Variants in MCM9 observed in about 807,000 individuals in gnomAD.
MCM9 encodes the protein DNA helicase MCM9.
In MCM9, 55 loss-of-function variants were observed where a neutral mutation model predicts 72.8. The ratio of observed to expected loss-of-function variants is 0.76; its 90% CI spans 0.61 to 0.95. The LOEUF (loss-of-function observed/expected upper bound fraction) is 0.95. MCM9 is among the 40% of genes least tolerant of loss of function. The probability of loss-of-function intolerance (pLI) is 0.00; values close to 1 mark genes in which losing one functional copy is unlikely to be tolerated. For synonymous variants in MCM9, 480 were observed against 503.4 expected, an observed-to-expected ratio of 0.95 and a Z score of 0.62; for missense variants, 1,279 against 1,377.0, an observed-to-expected ratio of 0.93 and a Z score of 1.13.
At chr6:118,840,169 A>AT (rs36155062) in intron 9 of MCM9, among the ~76,000 whole-genome samples, 113,103 of 145,686 alleles carry the variant, frequency 0.78, 44,185 homozygotes, top group South Asian at 0.9. Flanking sequence ...TTTTTATGTT[A>AT]TTTTTTTTTT....
intron 6 of MCM9, 145 bp downstream of exon 6, chr6:118,917,416 A>G: frequency 1.4e-6 from 1 of 735,718 alleles, no homozygotes; most frequent in Non-Finnish European, 2.2e-6. Context: ...AAGGGAGACT[A>G]TAGCTAGAGG....
chr6:118,883,072 A>C (rs1209991930), intron 8 of MCM9, among the ~76,000 whole-genome samples: 1 of 148,948 alleles, frequency 6.7e-6, no homozygotes, highest in Non-Finnish European at 1.5e-5. Flanking sequence ...AAAGATGCAA[A>C]AAAAAAAAAA....
chr6:118,900,768 T>C (rs1165206085), intron 8 of MCM9: 1 of 1,608,470 alleles, frequency 6.2e-7, no homozygotes, highest in Admixed American at 1.7e-5. Context: ...AACCCTAGAC[T>C]TGGAATGGAA....
intron 9 of MCM9, among the ~76,000 whole-genome samples, chr6:118,838,368 C>T (rs999139921): frequency 6.6e-6 from 1 of 151,030 alleles, no homozygotes; most frequent in African/African-American, 2.4e-5. Flanking sequence ...ACCATGTTAG[C>T]CAGGATGGTC....
intron 9 of MCM9, among the ~76,000 whole-genome samples, chr6:118,832,190 A>AG (rs1416067133): frequency 6.6e-6 from 1 of 152,182 alleles, no homozygotes; most frequent in Non-Finnish European, 1.5e-5. Flanking sequence ...CCTATCAAGT[A>AG]GCTAGCATTA....
chr6:118,827,099 G>C (rs2114545861), intron 11 of MCM9, among the ~76,000 whole-genome samples: 1 of 152,154 alleles, frequency 6.6e-6, no homozygotes, highest in Middle Eastern at 3.4e-3. Flanking sequence ...AAAGTACTCT[G>C]GGCTCTAGCA....
intron 8 of MCM9, among the ~76,000 whole-genome samples, chr6:118,896,884 A>T (rs1483310364): frequency 6.6e-6 from 1 of 151,798 alleles, no homozygotes; most frequent in Non-Finnish European, 1.5e-5. Context: ...CTCAGGCTGG[A>T]TGGAGTACAG....
In MCM9 at chr6:118,877,247, T is replaced by C. The variant is rs542654986; in HGVS notation, c.1151-20702A>G. On this transcript the variant is annotated intron_variant, in intron 8 of 13. Transcript: ENST00000619706. Reference sequence around the variant, plus strand: ...GTTGAGCTGCCACAGCTGATGCACATGGAACAGAAAAAACCTGCCCAAATT... The same window carrying C: ...GTTGAGCTGCCACAGCTGATGCACACGGAACAGAAAAAACCTGCCCAAATT... Among the ~76,000 whole-genome samples the C allele has an allele frequency of 1.2e-3, 184 of 152,314 alleles. 2 individuals are homozygous for C. The highest frequency in any genetic ancestry group is 6.8e-3 in the Middle Eastern group (2 of 294).
chr6:118,916,811 A>AT lies in MCM9; in HGVS notation c.904+749dup, dbSNP rs1781003978. 2.6e-5 allele frequency among the ~76,000 whole-genome samples: 4 copies of AT among 152,248 alleles called. No homozygotes were observed. The South Asian group carries it at 8.3e-4, about 32-fold the overall frequency. On this transcript the variant is annotated intron_variant, in intron 6 of 13. Transcript: ENST00000619706. ...GCCACCATGCCCAGCTAGAAGCCTT[A>AT]TTTTTTAAAATAATATCTATCTAAT... is the stretch of plus-strand genomic sequence containing the variant.
intron 8 of MCM9, among the ~76,000 whole-genome samples, chr6:118,872,243 C>T (rs376535947): frequency 8.0e-5 from 12 of 150,772 alleles, no homozygotes; most frequent in African/African-American, 1.5e-4. Flanking sequence ...GGAGTGAGCC[C>T]GGGAGGCGGA....
chr6:118,900,986 G>T, intron 8 of MCM9: 1 of 770,778 alleles, frequency 1.3e-6, no homozygotes, highest in Admixed American at 2.2e-5. Context: ...TTAAAGAACT[G>T]CTTCTGCTGC....
intron 8 of MCM9, among the ~76,000 whole-genome samples, chr6:118,888,715 T>C (rs751713344): frequency 6.6e-6 from 1 of 152,200 alleles, no homozygotes; most frequent in Non-Finnish European, 1.5e-5. Context: ...AAACGTGGTA[T>C]ACCTATACAA....
At chr6:118,828,948 A>G (rs2114554670) in intron 10 of MCM9, 100 bp downstream of exon 10, 1 of 1,206,302 alleles carries the variant, frequency 8.3e-7, no homozygotes, top group Non-Finnish European at 1.2e-6. Context: ...GGTACTACAT[A>G]GCCTATCTTG....
chr6:118,858,948 T>C (rs765138349), intron 8 of MCM9, among the ~76,000 whole-genome samples: 7 of 152,136 alleles, frequency 4.6e-5, no homozygotes, highest in Non-Finnish European at 7.4e-5. Flanking sequence ...CTATGATTTA[T>C]ATAGAGAAGC....
intron 8 of MCM9, among the ~76,000 whole-genome samples, chr6:118,899,211 A>G (rs1272548099): frequency 2.6e-5 from 4 of 152,192 alleles, no homozygotes; most frequent in Admixed American, 2.6e-4. Flanking sequence ...CAATCAAAGC[A>G]TTCCTTTTAA....
intron 8 of MCM9, among the ~76,000 whole-genome samples, chr6:118,861,695 T>C (rs1776915823): frequency 6.6e-6 from 1 of 152,148 alleles, no homozygotes; most frequent in South Asian, 2.1e-4. Flanking sequence ...TCTGGGGTTT[T>C]TGTGGGCTCA....
intron 8 of MCM9, among the ~76,000 whole-genome samples, chr6:118,869,969 T>C (rs1777492295): frequency 6.6e-6 from 1 of 152,168 alleles, no homozygotes; most frequent in Non-Finnish European, 1.5e-5. Context: ...TGTAAATATA[T>C]ATGCACCCAA....
At chr6:118,934,047 G>A (rs1782686201) in intron 1 of MCM9, among the ~76,000 whole-genome samples, 1 of 148,292 alleles carries the variant, frequency 6.7e-6, no homozygotes, top group African/African-American at 2.5e-5. Context: ...ATTAAGTTTA[G>A]AGCCACAAAT....
intron 4 of MCM9, among the ~76,000 whole-genome samples, chr6:118,922,775 T>G (rs1781535722): frequency 6.6e-6 from 1 of 152,110 alleles, no homozygotes; most frequent in Non-Finnish European, 1.5e-5. Flanking sequence ...CTCACATCTG[T>G]AATCCCAGCA....
Sources: gnomAD v4.1 joint callset for allele counts (sites outside exome capture counted in the v4.1 genomes callset) on GRCh38, gnomAD v4.1.1 for gene constraint, MANE v1.5 for transcripts, NCBI Gene and HGNC (gene_info 2026-07-23, HGNC 2026-07-21) for gene names.